The following ASIC2 variants were observed in gnomAD, a reference collection of about 807,000 sequenced individuals.
ASIC2 encodes the protein acid sensing ion channel subunit 2.
A neutral mutation model predicts 57.3 loss-of-function variants in ASIC2; 25 were observed. The observed-to-expected ratio is 0.44, with a 90% CI of 0.32 to 0.61. The LOEUF (loss-of-function observed/expected upper bound fraction) is 0.61. Among genes scored for constraint, ASIC2 ranks in the 20% least tolerant of loss-of-function variants. The pLI is 0.06. For synonymous variants in ASIC2, 319 were observed against 307.5 expected (o/e 1.04, Z -0.39); for missense variants, 641 against 738.1 (o/e 0.87, Z 1.52).
intron 1 of ASIC2, among the ~76,000 whole-genome samples, chr17:33,889,068 T>G (rs1406056159): frequency 3.9e-5 from 6 of 152,154 alleles, no homozygotes; most frequent in Non-Finnish European, 8.8e-5. Context: ...GAACCTACTC[T>G]TGATAGCTGC....
At chr17:34,125,799 T>C (rs1911763846) in intron 1 of ASIC2, among the ~76,000 whole-genome samples, 1 of 152,218 alleles carries the variant, frequency 6.6e-6, no homozygotes, top group Admixed American at 6.5e-5. Flanking sequence ...CCACAGCCGC[T>C]AAGACATGGT....
chr17:33,271,313 A>C (rs1449713340), intron 1 of ASIC2, among the ~76,000 whole-genome samples: 1 of 152,150 alleles, frequency 6.6e-6, no homozygotes, highest in Non-Finnish European at 1.5e-5. Context: ...GATCCCACCC[A>C]GTCCCACTGA....
chr17:33,575,883 C>T (rs2141994992), intron 1 of ASIC2, among the ~76,000 whole-genome samples: 1 of 152,270 alleles, frequency 6.6e-6, no homozygotes, highest in South Asian at 2.1e-4. Context: ...CGCCCCACAG[C>T]TAATGGCTCT....
At chr17:33,188,941 C>T (rs1906308420) in intron 1 of ASIC2, among the ~76,000 whole-genome samples, 1 of 151,926 alleles carries the variant, frequency 6.6e-6, no homozygotes, top group Admixed American at 6.6e-5. Context: ...GTAGAAATAA[C>T]AATGTGTTGT....
chr17:34,093,509 A>C (rs1385697573), intron 1 of ASIC2, among the ~76,000 whole-genome samples: 1 of 152,150 alleles, frequency 6.6e-6, no homozygotes, highest in African/African-American at 2.4e-5. Context: ...ACCTGACCAG[A>C]CTGTAAACTC....
chr17:34,138,471 G>T (rs564908250), intron 1 of ASIC2, among the ~76,000 whole-genome samples: 26 of 152,336 alleles, frequency 1.7e-4, no homozygotes, highest in African/African-American at 5.8e-4. Context: ...AGCATTGGGT[G>T]CCAATTAAGA....
chr17:33,624,072 AT>A (rs1208121489), intron 1 of ASIC2: 2 of 152,142 alleles, frequency 1.3e-5, no homozygotes, highest in Non-Finnish European at 2.9e-5. Context: ...AGCTGTGGCT[AT>A]TTTTACTCAC....
intron 1 of ASIC2, among the ~76,000 whole-genome samples, chr17:33,436,880 T>TTTTTTG (rs1186285987): frequency 2.3e-4 from 30 of 130,516 alleles, no homozygotes; most frequent in African/African-American, 8.4e-4. Context: ...TTTTTTTTTT[T>TTTTTTG]TTTGAGACGG....
intron 2 of ASIC2, among the ~76,000 whole-genome samples, chr17:33,103,676 G>A (rs2092223669): frequency 6.6e-6 from 1 of 152,096 alleles, no homozygotes. Flanking sequence ...TCTTGAGCTT[G>A]TAGTCTCCAG....
At chr17:33,632,108 A>G (rs1906192438) in intron 1 of ASIC2, among the ~76,000 whole-genome samples, 1 of 152,190 alleles carries the variant, frequency 6.6e-6, no homozygotes, top group Non-Finnish European at 1.5e-5. Context: ...GTGACCTGGG[A>G]AAATCAACTA....
At chr17:33,271,178 C>T (rs374236026) in intron 1 of ASIC2, among the ~76,000 whole-genome samples, 1 of 152,104 alleles carries the variant, frequency 6.6e-6, no homozygotes, top group Non-Finnish European at 1.5e-5. Context: ...TCCCTCCTAC[C>T]TCCTTGACTG....
chr17:33,327,589 C>A (rs1224729878), intron 1 of ASIC2, among the ~76,000 whole-genome samples: 1 of 152,164 alleles, frequency 6.6e-6, no homozygotes, highest in African/African-American at 2.4e-5. Context: ...CCTCAAGGAG[C>A]TAGTGTATTA....
intron 1 of ASIC2, among the ~76,000 whole-genome samples, chr17:33,477,743 A>C (rs1033513614): frequency 6.6e-6 from 1 of 152,170 alleles, no homozygotes; most frequent in Non-Finnish European, 1.5e-5. Context: ...AGCTCAGGCC[A>C]TGGTGTCCCA....
At chr17:33,496,375 G>A (rs1007496841) in intron 1 of ASIC2, among the ~76,000 whole-genome samples, 2 of 152,036 alleles carry the variant, frequency 1.3e-5, no homozygotes, top group African/African-American at 2.4e-5. Context: ...CTCCCACTGC[G>A]GTTGTCTTCC....
chr17:33,415,905 G>A (rs1208095895), intron 1 of ASIC2, among the ~76,000 whole-genome samples: 2 of 152,224 alleles, frequency 1.3e-5, no homozygotes, highest in Admixed American at 1.3e-4. Flanking sequence ...CCTGGAACCT[G>A]TGTGGGCCTG....
intron 1 of ASIC2, among the ~76,000 whole-genome samples, chr17:33,979,108 T>C (rs1905505987): frequency 6.6e-6 from 1 of 152,088 alleles, no homozygotes; most frequent in African/African-American, 2.4e-5. Flanking sequence ...CTATGACTCA[T>C]GACCAGGAGA....
At chr17:33,552,825 G>A (rs760637264) in intron 1 of ASIC2, among the ~76,000 whole-genome samples, 5 of 152,220 alleles carry the variant, frequency 3.3e-5, no homozygotes, top group African/African-American at 4.8e-5. Context: ...GAACACTCGC[G>A]TCAGGTATTC....
intron 1 of ASIC2, among the ~76,000 whole-genome samples, chr17:33,841,888 G>GGA (rs1913448415): frequency 6.6e-6 from 1 of 152,194 alleles, no homozygotes; most frequent in South Asian, 2.1e-4. Flanking sequence ...TACATACACA[G>GGA]GAGAGAGTCC....
chr17:33,418,096 G>A (rs1910923418), intron 1 of ASIC2, among the ~76,000 whole-genome samples: 1 of 151,262 alleles, frequency 6.6e-6, no homozygotes, highest in Non-Finnish European at 1.5e-5. Context: ...GCTCCAGTGT[G>A]ACTGTCAAGC....
Sources: allele counts gnomAD v4.1 joint callset (sites outside exome capture counted in the v4.1 genomes callset), GRCh38; gene constraint gnomAD v4.1.1; transcripts MANE v1.5; gene names NCBI Gene and HGNC (gene_info 2026-07-23, HGNC 2026-07-21).